IL34: variants seen among roughly 807,000 people sequenced by gnomAD.
IL34 encodes interleukin 34, also known as interleukin-34.
A neutral mutation model predicts 25.3 loss-of-function variants in IL34; 17 were observed. The ratio of observed to expected loss-of-function variants is 0.67; its 90% CI spans 0.46 to 1.01. The LOEUF is 1.01. Among genes scored for constraint, IL34 ranks in the 50% least tolerant of loss-of-function variants. The probability of loss-of-function intolerance (pLI) is 0.00; values close to 1 mark genes in which losing one functional copy is unlikely to be tolerated. For missense variants in IL34, 368 were observed against 312.9 expected (o/e 1.18, Z -1.33); for synonymous variants, 174 against 140.9 (o/e 1.23, Z -1.66).
chr16:70,654,408 C>A (rs1456340376), intron 1 of IL34, 130 bp from the exon 2 acceptor site: 2 of 1,271,954 alleles, frequency 1.6e-6, no homozygotes, highest in South Asian at 1.5e-5. Context: ...CCCGTGCCCC[C>A]CACCACACCT....
chr16:70,597,096 C>T (rs1055774240), intron 1 of IL34, among the ~76,000 whole-genome samples: 1 of 152,156 alleles, frequency 6.6e-6, no homozygotes, highest in Non-Finnish European at 1.5e-5. Flanking sequence ...TGAGCCCCTT[C>T]TCCTCCGTTG....
At chr16:70,620,342 G>A (rs1036692869) in intron 1 of IL34, among the ~76,000 whole-genome samples, 2 of 152,134 alleles carry the variant, frequency 1.3e-5, no homozygotes, top group African/African-American at 2.4e-5. Flanking sequence ...CCTTGACTAT[G>A]CCTTTGGCTC....
intron 1 of IL34, among the ~76,000 whole-genome samples, chr16:70,635,753 C>A (rs1239695200): frequency 6.6e-6 from 1 of 152,170 alleles, no homozygotes; most frequent in Non-Finnish European, 1.5e-5. Context: ...AAAAAGCCTA[C>A]GTTTTTCCAA....
chr16:70,643,926 GA>G (rs1030732795), upstream of IL34, among the ~76,000 whole-genome samples: 1 of 151,396 alleles, frequency 6.6e-6, no homozygotes, highest in Non-Finnish European at 1.5e-5. Flanking sequence ...AATATTCCTG[GA>G]AAAAAAAATT....
upstream of IL34, among the ~76,000 whole-genome samples, chr16:70,644,043 T>C (rs2051848539): frequency 6.6e-6 from 1 of 152,130 alleles, no homozygotes; most frequent in Admixed American, 6.6e-5. Context: ...GGAGCAATCT[T>C]GGCTCACTGC....
intron 1 of IL34, among the ~76,000 whole-genome samples, chr16:70,611,341 G>A (rs75736349): frequency 0.035 from 5,378 of 152,192 alleles, 308 homozygotes; most frequent in East Asian, 0.21. Flanking sequence ...GGGCTGCCAG[G>A]TACGGCAGAT....
intron 1 of IL34, among the ~76,000 whole-genome samples, chr16:70,591,721 C>T (rs2050757061): frequency 6.6e-6 from 1 of 152,164 alleles, no homozygotes; most frequent in African/African-American, 2.4e-5. Flanking sequence ...CACCATCTCC[C>T]CGGATTCTTA....
At chr16:70,641,320 G>C (rs966032681) in intron 1 of IL34, among the ~76,000 whole-genome samples, 1 of 151,970 alleles carries the variant, frequency 6.6e-6, no homozygotes, top group Non-Finnish European at 1.5e-5. Flanking sequence ...CTTGCACATG[G>C]ATTTTCATAG....
chr16:70,587,775 A>C (rs1428970251), intron 1 of IL34, among the ~76,000 whole-genome samples: 2 of 152,066 alleles, frequency 1.3e-5, no homozygotes, highest in Non-Finnish European at 2.9e-5. Context: ...GCAGCGGCTC[A>C]TGCCTGTAAT....
rs190109243 is a variant in IL34, at chr16:70,613,367, C to T, written c.-400-33181C>T. ...GTAGACTGGGGACATGGGGTTGGAGCGGGGCGGTTTCCTGAGGCATGGCGG... is the reference window on the plus strand; with the variant it reads ...GTAGACTGGGGACATGGGGTTGGAGTGGGGCGGTTTCCTGAGGCATGGCGG... On this transcript the variant is annotated intron_variant, in intron 1 of 6. Transcript: ENST00000429149. Among the ~76,000 whole-genome samples, 236 of 152,228 alleles carry T rather than the reference C, an allele frequency of 1.6e-3. 2 individuals are homozygous for T. In the Middle Eastern group the frequency reaches 0.017, roughly 11 times the overall value.
intron 1 of IL34, among the ~76,000 whole-genome samples, chr16:70,620,170 T>C (rs1346003264): frequency 1.3e-5 from 2 of 152,192 alleles, no homozygotes; most frequent in African/African-American, 2.4e-5. Context: ...GGTAATAAAA[T>C]GTATTTTGAG....
intron 1 of IL34, among the ~76,000 whole-genome samples, chr16:70,647,634 C>CGT (rs1023584572): frequency 7.9e-5 from 12 of 152,312 alleles, no homozygotes; most frequent in African/African-American, 2.9e-4. Flanking sequence ...GTGCCTCCCA[C>CGT]GTGCCCACTG....
At chr16:70,606,097 C>G (rs1187868638) in intron 1 of IL34, among the ~76,000 whole-genome samples, 1 of 149,948 alleles carries the variant, frequency 6.7e-6, no homozygotes, top group East Asian at 2.0e-4. Context: ...TACTTGATAA[C>G]TTTTAAATAT....
In IL34 at chr16:70,660,011, G is replaced by C; in HGVS notation, c.553G>C (p.Val185Leu). The C allele has an allele frequency of 6.3e-7, 1 of 1,593,852 alleles. No homozygotes were observed. The highest frequency in any genetic ancestry group is 8.5e-7 in the Non-Finnish European group (1 of 1,173,334). Reference sequence around the variant, plus strand: ...ATCTCTTGCAGGTAAACAAAGCTCCGTCCTAAACTGGCAGGACTGTGAGGT... The same window carrying C: ...ATCTCTTGCAGGTAAACAAAGCTCCCTCCTAAACTGGCAGGACTGTGAGGT... The part of the protein sequence containing the change: ...LYCSCCKQSS[V>L]LNWQDCEVPS... Residue 185 changes from valine (V) to leucine (L), a missense_variant, in exon 6 of 6, where the codon GTC becomes CTC. Physicochemically the swap from Val to Leu is conservative, Grantham distance 32. Coordinates refer to ENST00000288098, the MANE Select transcript of IL34 (RefSeq NM_001393494.1).
upstream of IL34, among the ~76,000 whole-genome samples, chr16:70,644,850 AGAG>A (rs1299024401): frequency 7.1e-5 from 9 of 126,350 alleles, no homozygotes; most frequent in African/African-American, 2.1e-4. Context: ...GAAGGAGGGA[AGAG>A]GAGGAAGAGG....
chr16:70,612,552 C>T (rs2051106331), intron 1 of IL34, among the ~76,000 whole-genome samples: 1 of 152,212 alleles, frequency 6.6e-6, no homozygotes, highest in South Asian at 2.1e-4. Flanking sequence ...ATGATTCACA[C>T]TAAAGTGTGA....
chr16:70,654,298 C>A, intron 1 of IL34: 1 of 385,924 alleles, frequency 2.6e-6, no homozygotes, highest in Non-Finnish European at 4.6e-6. Flanking sequence ...TCCTGGGGGG[C>A]TCCAGTGGCC....
At chr16:70,599,470 C>A (rs2050883127) in intron 1 of IL34, among the ~76,000 whole-genome samples, 1 of 151,786 alleles carries the variant, frequency 6.6e-6, no homozygotes. Flanking sequence ...GATTCTCCTG[C>A]CTCATCCTCC....
chr16:70,596,200 C>T (rs1567438077), intron 1 of IL34, among the ~76,000 whole-genome samples: 1 of 152,082 alleles, frequency 6.6e-6, no homozygotes, highest in Admixed American at 6.6e-5. Context: ...TCTCTGGGGT[C>T]TCTTTTATAA....
Sources: gnomAD v4.1 joint callset for allele counts (sites outside exome capture counted in the v4.1 genomes callset) on GRCh38, gnomAD v4.1.1 for gene constraint, MANE v1.5 for transcripts, NCBI Gene and HGNC (gene_info 2026-07-23, HGNC 2026-07-21) for gene names.